FOXJ3: variants seen among roughly 807,000 people sequenced by gnomAD.
FOXJ3 encodes forkhead box protein J3.
A neutral mutation model predicts 76.1 loss-of-function variants in FOXJ3; 22 were observed. That is an observed-to-expected ratio of 0.29 (90% confidence interval 0.21 to 0.41). The LOEUF is 0.41. Ranked by LOEUF, FOXJ3 falls within the 10% of genes least tolerant of loss-of-function variation. The probability of loss-of-function intolerance (pLI) is 1.00; values close to 1 mark genes in which losing one functional copy is unlikely to be tolerated. For synonymous variants in FOXJ3, 269 were observed against 261.2 expected, an observed-to-expected ratio of 1.03 and a Z score of -0.29; for missense variants, 613 against 762.1, an observed-to-expected ratio of 0.80 and a Z score of 2.30.
At chr1:42,329,510 A>G (rs1174604103) in intron 1 of FOXJ3, among the ~76,000 whole-genome samples, 1 of 152,210 alleles carries the variant, frequency 6.6e-6, no homozygotes, top group Non-Finnish European at 1.5e-5. Context: ...CTAGGACTGA[A>G]AGGCTAACTG....
intron 1 of FOXJ3, among the ~76,000 whole-genome samples, chr1:42,324,061 T>C (rs1284142518): frequency 1.4e-5 from 2 of 146,058 alleles, no homozygotes; most frequent in Non-Finnish European, 3.0e-5. Context: ...ATACACTGTA[T>C]ATACACAGTG....
At chr1:42,212,469 G>A (rs905516368) in intron 5 of FOXJ3, among the ~76,000 whole-genome samples, 5 of 151,938 alleles carry the variant, frequency 3.3e-5, no homozygotes, top group African/African-American at 9.7e-5. Flanking sequence ...ACTAGACCAG[G>A]TAGAAAAAAA....
At chr1:42,188,129 G>A (rs918632861) in intron 11 of FOXJ3, among the ~76,000 whole-genome samples, 1 of 152,150 alleles carries the variant, frequency 6.6e-6, no homozygotes, top group Non-Finnish European at 1.5e-5. Context: ...ATAAGAGAAG[G>A]TAAGGAATTA....
intron 1 of FOXJ3, among the ~76,000 whole-genome samples, chr1:42,328,105 A>G (rs1480195819): frequency 6.6e-6 from 1 of 152,148 alleles, no homozygotes; most frequent in Admixed American, 6.5e-5. Flanking sequence ...CAGCCTAGGG[A>G]GCCAGCATAG....
chr1:42,213,744 T>TC (rs1647012745), intron 5 of FOXJ3, among the ~76,000 whole-genome samples: 1 of 151,990 alleles, frequency 6.6e-6, no homozygotes, highest in South Asian at 2.1e-4. Flanking sequence ...ACATGTGGAT[T>TC]CTAAAAAAAA....
chr1:42,323,480 A>C (rs1490289024), intron 1 of FOXJ3, among the ~76,000 whole-genome samples: 2 of 152,124 alleles, frequency 1.3e-5, no homozygotes, highest in African/African-American at 4.8e-5. Context: ...CTATTCCTCT[A>C]ACTTGCATTG....
chr1:42,256,309 AC>A (rs1345024622), intron 4 of FOXJ3, among the ~76,000 whole-genome samples: 1 of 152,370 alleles, frequency 6.6e-6, no homozygotes, highest in African/African-American at 2.4e-5. Flanking sequence ...GTCTAAAAAA[AC>A]ATTTAAACAA....
At chr1:42,240,966 T>C (rs568408412) in intron 4 of FOXJ3, among the ~76,000 whole-genome samples, 1 of 152,258 alleles carries the variant, frequency 6.6e-6, no homozygotes, top group South Asian at 2.1e-4. Context: ...GATAATCACA[T>C]TTCAAACATA....
chr1:42,181,778 CAT>C (rs1646324224), intron 12 of FOXJ3, 137 bp downstream of exon 12: 10 of 560,910 alleles, frequency 1.8e-5, no homozygotes, highest in Non-Finnish European at 2.8e-5. Flanking sequence ...GACACACACA[CAT>C]GCTTCTCAAT....
intron 3 of FOXJ3, among the ~76,000 whole-genome samples, chr1:42,270,727 A>G (rs1651806344): frequency 6.6e-6 from 1 of 152,186 alleles, no homozygotes; most frequent in Non-Finnish European, 1.5e-5. Context: ...TCAAAACTAC[A>G]GTTTATCTGC....
At chr1:42,310,179 G>A (rs1298502853) in intron 2 of FOXJ3, among the ~76,000 whole-genome samples, 4 of 134,208 alleles carry the variant, frequency 3.0e-5, no homozygotes, top group Admixed American at 7.7e-5. Flanking sequence ...ATGGAGTTTT[G>A]CTCATCGCCC....
chr1:42,207,663 G>A (rs542853595), intron 5 of FOXJ3, among the ~76,000 whole-genome samples: 12 of 152,272 alleles, frequency 7.9e-5, no homozygotes, highest in South Asian at 6.2e-4. Flanking sequence ...CCAGATGAGC[G>A]AGAGAGCAAT....
At chr1:42,255,367 A>G (rs1650498768) in intron 4 of FOXJ3, among the ~76,000 whole-genome samples, 1 of 152,220 alleles carries the variant, frequency 6.6e-6, no homozygotes, top group Non-Finnish European at 1.5e-5. Context: ...TAAAAAACTA[A>G]AAGAGGACAC....
intron 3 of FOXJ3, among the ~76,000 whole-genome samples, chr1:42,267,534 C>T (rs964037848): frequency 6.6e-6 from 1 of 152,020 alleles, no homozygotes; most frequent in Non-Finnish European, 1.5e-5. Flanking sequence ...TCAACGTCTA[C>T]CATTCTTCTA....
chr1:42,232,267 T>C (rs1435167561), intron 4 of FOXJ3, among the ~76,000 whole-genome samples: 16 of 148,310 alleles, frequency 1.1e-4, no homozygotes, highest in Non-Finnish European at 1.9e-4. Context: ...TACGTGTGCA[T>C]GTGTCTTTAT....
chr1:42,227,953 G>GC lies in FOXJ3; in HGVS notation c.457dup (p.Ala153GlyfsTer30). Reference sequence around the variant, plus strand: ...ATCTTCCTTCGGATTGGTGTCTATTGCCCAGTAGGACCCCTAGAGGTAAAG... The same window carrying GC: ...ATCTTCCTTCGGATTGGTGTCTATTGCCCCAGTAGGACCCCTAGAGGTAAAG... On this transcript the variant is annotated frameshift_variant, in exon 5 of 13. Coordinates refer to ENST00000361346, the MANE Select transcript of FOXJ3 (RefSeq NM_014947.5). LOFTEE classifies it high-confidence loss of function. The GC allele has an allele frequency of 6.4e-7, 1 of 1,554,398 alleles. No individual in the cohort carries two copies. Among genetic ancestry groups the GC allele is most frequent in the Non-Finnish European group, 8.8e-7 (1 of 1,137,460 alleles).
intron 1 of FOXJ3, chr1:42,323,641 A>C: frequency 1.1e-6 from 1 of 916,606 alleles, no homozygotes; most frequent in South Asian, 5.0e-5. Context: ...AGCTCTTAGT[A>C]TCTGTACCCA....
chr1:42,224,736 A>G (rs1647409999), intron 5 of FOXJ3, among the ~76,000 whole-genome samples: 1 of 152,170 alleles, frequency 6.6e-6, no homozygotes, highest in Admixed American at 6.5e-5. Context: ...CTTCCGTTTA[A>G]GACATAAAGA....
At chr1:42,240,126 T>G (rs1030924451) in intron 4 of FOXJ3, among the ~76,000 whole-genome samples, 1 of 152,216 alleles carries the variant, frequency 6.6e-6, no homozygotes, top group African/African-American at 2.4e-5. Flanking sequence ...GAGGGAATAC[T>G]TTGATATATA....
Sources: gnomAD v4.1 joint callset for allele counts (sites outside exome capture counted in the v4.1 genomes callset) on GRCh38, gnomAD v4.1.1 for gene constraint, MANE v1.5 for transcripts, NCBI Gene and HGNC (gene_info 2026-07-23, HGNC 2026-07-21) for gene names.